The following RETREG1 variants were observed in gnomAD, a reference collection of about 807,000 sequenced individuals.
The protein encoded by RETREG1 is reticulophagy regulator 1.
In RETREG1, 44 loss-of-function variants were observed where a neutral mutation model predicts 54.8. The observed-to-expected ratio is 0.80, with a 90% confidence interval of 0.63 to 1.03. RETREG1 has a LOEUF of 1.03. Ranked by LOEUF, RETREG1 falls within the 50% of genes least tolerant of loss-of-function variation. The pLI is 0.00. For synonymous variants in RETREG1, 217 were observed against 238.5 expected, an observed-to-expected ratio of 0.91 and a Z score of 0.83; for missense variants, 554 against 605.1, an observed-to-expected ratio of 0.92 and a Z score of 0.89.
intron 1 of RETREG1, among the ~76,000 whole-genome samples, chr5:16,573,993 G>A (rs545232493): frequency 9.2e-5 from 14 of 152,090 alleles, no homozygotes; most frequent in South Asian, 2.1e-4. Context: ...GTGATCCGCC[G>A]GCCTTGGCCT....
intron 1 of RETREG1, among the ~76,000 whole-genome samples, chr5:16,579,979 T>A (rs924468078): frequency 2.0e-5 from 3 of 152,224 alleles, no homozygotes; most frequent in African/African-American, 7.2e-5. Context: ...TTTAAAAAAA[T>A]TTTAACAGTT....
At chr5:16,578,026 T>C (rs2560826) in intron 1 of RETREG1, among the ~76,000 whole-genome samples, 72,466 of 152,002 alleles carry the variant, frequency 0.48, 17,283 homozygotes, top group Non-Finnish European at 0.52. Flanking sequence ...CTTTTTTTCC[T>C]GTTATTATGA....
At chr5:16,498,049 T>C (rs1465805130) in intron 3 of RETREG1, among the ~76,000 whole-genome samples, 4 of 152,270 alleles carry the variant, frequency 2.6e-5, no homozygotes, top group African/African-American at 4.8e-5. Flanking sequence ...TGCATTCATT[T>C]TATAATGAAG....
chr5:16,561,146 T>C lies in RETREG1; in HGVS notation c.458+4617A>G, dbSNP rs772851177. On this transcript the variant is annotated intron_variant, in intron 3 of 8. Coordinates refer to ENST00000306320, the MANE Select transcript of RETREG1 (RefSeq NM_001034850.3). This position sits in a 1 kb window ranked among gnomAD's most constrained non-coding sequence, Gnocchi z 4.2. ...TGCAGGGTTGGGACCAGAATGAAAG[T>C]TAGCTGTACCTGGATATACACCTAA... Among the ~76,000 whole-genome samples the C allele has an allele frequency of 1.3e-5, 2 of 152,066 alleles. No homozygotes were observed. Among genetic ancestry groups the C allele is most frequent in the Non-Finnish European group, 2.9e-5 (2 of 68,012 alleles).
chr5:16,523,772 C>T (rs1740611770), intron 3 of RETREG1, among the ~76,000 whole-genome samples: 1 of 152,060 alleles, frequency 6.6e-6, no homozygotes, highest in Non-Finnish European at 1.5e-5. Context: ...CTGCCTCTCC[C>T]CTCCCCCCAA....
At chr5:16,513,003 T>C (rs334472) in intron 3 of RETREG1, among the ~76,000 whole-genome samples, 83,170 of 151,816 alleles carry the variant, frequency 0.55, 23,618 homozygotes, top group Non-Finnish European at 0.63. Flanking sequence ...CATGGTTGAG[T>C]TCTCTCTTGG....
At chr5:16,524,895 C>T (rs1240685695) in intron 3 of RETREG1, among the ~76,000 whole-genome samples, 3 of 149,478 alleles carry the variant, frequency 2.0e-5, no homozygotes, top group Admixed American at 6.7e-5. Flanking sequence ...CGTCCTCCGG[C>T]TCCTGCAGGT....
rs1309070021 is a variant in RETREG1 at position 16,583,586 on chromosome 5, T to C, written c.321-11484A>G. Among the ~76,000 whole-genome samples the C allele has an allele frequency of 5.3e-5, 8 of 152,088 alleles. No homozygotes were observed. In the East Asian group the frequency reaches 1.5e-3, roughly 29 times the overall value. ...ACAAGGAAAATTTTCCATTACTCCATGATGAGTTTTGCAAGGCCAAATTAA... is the reference window on the plus strand; with the variant it reads ...ACAAGGAAAATTTTCCATTACTCCACGATGAGTTTTGCAAGGCCAAATTAA... On this transcript the variant is annotated intron_variant, in intron 1 of 8. Coordinates refer to ENST00000306320, the MANE Select transcript of RETREG1 (RefSeq NM_001034850.3).
intron 3 of RETREG1, among the ~76,000 whole-genome samples, chr5:16,499,341 T>C (rs1472496264): frequency 6.6e-6 from 1 of 152,216 alleles, no homozygotes; most frequent in Non-Finnish European, 1.5e-5. Context: ...CCACTAATGT[T>C]ATAAGCTACT....
chr5:16,591,413 G>A (rs1441674815), intron 1 of RETREG1, among the ~76,000 whole-genome samples: 1 of 152,186 alleles, frequency 6.6e-6, no homozygotes, highest in East Asian at 1.9e-4. Flanking sequence ...CCAGAATGAG[G>A]ACTTGAACAG....
intron 3 of RETREG1, among the ~76,000 whole-genome samples, chr5:16,558,298 G>C (rs6867974): frequency 6.6e-6 from 1 of 151,956 alleles, no homozygotes; most frequent in African/African-American, 2.4e-5. Flanking sequence ...AGCGAGTTTG[G>C]CCCTTTCTTG....
At chr5:16,494,529 G>T (rs55975193) in intron 3 of RETREG1, among the ~76,000 whole-genome samples, 1 of 152,120 alleles carries the variant, frequency 6.6e-6, no homozygotes, top group Non-Finnish European at 1.5e-5. Flanking sequence ...TTTAAAGAAC[G>T]TGTGGCACCG....
At chr5:16,547,798 T>C (rs895285413) in intron 3 of RETREG1, among the ~76,000 whole-genome samples, 1 of 152,176 alleles carries the variant, frequency 6.6e-6, no homozygotes, top group African/African-American at 2.4e-5. Flanking sequence ...TAATCTGATG[T>C]TATTAGTGGG....
chr5:16,554,852 C>A (rs1333165624), intron 3 of RETREG1, among the ~76,000 whole-genome samples: 3 of 152,192 alleles, frequency 2.0e-5, no homozygotes, highest in African/African-American at 7.2e-5. Flanking sequence ...ACAATGGTCA[C>A]CCTCACACAA....
At chr5:16,493,976 T>G (rs1197907821) in intron 3 of RETREG1, among the ~76,000 whole-genome samples, 1 of 152,278 alleles carries the variant, frequency 6.6e-6, no homozygotes, top group East Asian at 1.9e-4. Context: ...AAACTTGGAG[T>G]GACTATCGCA....
At chr5:16,527,228 T>C (rs1403886157) in intron 3 of RETREG1, among the ~76,000 whole-genome samples, 1 of 152,200 alleles carries the variant, frequency 6.6e-6, no homozygotes, top group East Asian at 1.9e-4. Context: ...ACAGAGCTTG[T>C]AAATTGGGGA....
chr5:16,565,702 G>A (rs1476509636), intron 3 of RETREG1, 61 bp downstream of exon 3: 1 of 1,536,396 alleles, frequency 6.5e-7, no homozygotes, highest in Admixed American at 1.7e-5. Flanking sequence ...ACATCTTGGT[G>A]GCTCAGTCCC....
In RETREG1 at chr5:16,601,283, G is replaced by A. The variant is rs147581047; in HGVS notation, c.320+15369C>T. On this transcript the variant is annotated intron_variant, in intron 1 of 8. Coordinates refer to ENST00000306320, the MANE Select transcript of RETREG1 (RefSeq NM_001034850.3). ...CTCGGGAGGCTGAGGTGGGAGGATC[G>A]CTTAAGCTATGATCTCACTGCACTC... Among the ~76,000 whole-genome samples the A allele has an allele frequency of 1.9e-3, 196 of 104,624 alleles. 1 individual carries two copies. The highest frequency in any genetic ancestry group is 6.2e-3 in the African/African-American group (189 of 30,656). The allele number at this position is 104,624 out of a possible 152,430, so 68.6% of individuals were successfully genotyped here.
chr5:16,570,960 T>G (rs1742157862), intron 2 of RETREG1, among the ~76,000 whole-genome samples: 1 of 152,234 alleles, frequency 6.6e-6, no homozygotes, highest in Admixed American at 6.5e-5. Context: ...AAAACCAAAT[T>G]TGTTTGCCTT....
Sources: allele counts gnomAD v4.1 joint callset (sites outside exome capture counted in the v4.1 genomes callset), GRCh38; gene constraint gnomAD v4.1.1; non-coding constraint Gnocchi (gnomAD v3.1); transcripts MANE v1.5; gene names NCBI Gene and HGNC (gene_info 2026-07-23, HGNC 2026-07-21).